ZCCHC7: variants seen among roughly 807,000 people sequenced by gnomAD.
ZCCHC7 encodes zinc finger CCHC-type containing 7.
ZCCHC7 carries 35 observed loss-of-function variants against 52.0 expected under a neutral mutation model. The observed-to-expected ratio is 0.67, with a 90% CI of 0.51 to 0.89. The LOEUF (loss-of-function observed/expected upper bound fraction) is 0.89, where lower values mean the gene tolerates loss of function less well. Ranked by LOEUF, ZCCHC7 falls within the 40% of genes least tolerant of loss-of-function variation. The pLI, the probability that ZCCHC7 is intolerant of heterozygous loss-of-function variation, is 0.00. For synonymous variants in ZCCHC7, 217 were observed against 221.5 expected (o/e 0.98, Z 0.18); for missense variants, 574 against 649.1 (o/e 0.88, Z 1.26).
intron 2 of ZCCHC7, among the ~76,000 whole-genome samples, chr9:37,172,792 G>C (rs539082044): frequency 6.6e-6 from 1 of 152,000 alleles, no homozygotes; most frequent in Non-Finnish European, 1.5e-5. Flanking sequence ...ACTTGAGTGA[G>C]CAGTGTGGGC....
intron 2 of ZCCHC7, among the ~76,000 whole-genome samples, chr9:37,180,023 A>G (rs1431178071): frequency 6.8e-4 from 104 of 152,270 alleles, no homozygotes; most frequent in Non-Finnish European, 1.5e-5. Context: ...AAGGACAAGG[A>G]GAAAGATAGG....
chr9:37,181,593 G>A (rs571165214), intron 2 of ZCCHC7, among the ~76,000 whole-genome samples: 19 of 152,252 alleles, frequency 1.2e-4, no homozygotes, highest in East Asian at 5.8e-4. Context: ...TTGAAAACAC[G>A]TTAGTGAAAG....
intron 2 of ZCCHC7, among the ~76,000 whole-genome samples, chr9:37,231,226 A>G (rs900895172): frequency 2.0e-5 from 3 of 152,218 alleles, no homozygotes; most frequent in African/African-American, 7.2e-5. Context: ...GATTACAGGC[A>G]TGAGCCACCG....
chr9:37,272,498 A>G (rs955315463), intron 2 of ZCCHC7, among the ~76,000 whole-genome samples: 9 of 150,018 alleles, frequency 6.0e-5, no homozygotes, highest in African/African-American at 2.2e-4. Context: ...TGGTAAAAAA[A>G]AAAAAAAAAA....
chr9:37,279,244 A>G (rs1827831656), intron 2 of ZCCHC7, among the ~76,000 whole-genome samples: 1 of 152,102 alleles, frequency 6.6e-6, no homozygotes, highest in Non-Finnish European at 1.5e-5. Context: ...ATTTATATGT[A>G]GATATAATAC....
intron 2 of ZCCHC7, among the ~76,000 whole-genome samples, chr9:37,267,736 A>G: frequency 6.6e-6 from 1 of 151,438 alleles, no homozygotes; most frequent in Admixed American, 6.6e-5. Flanking sequence ...CGCCTGGCTA[A>G]TTTTTTGTAT....
rs988433555 is a variant in ZCCHC7 at position 37,292,193 on chromosome 9, A to G, written c.611-9995A>G. Among the ~76,000 whole-genome samples the G allele has an allele frequency of 2.2e-4, 33 of 152,182 alleles. 1 individual carries two copies. Among genetic ancestry groups the G allele is most frequent in the Non-Finnish European group, 1.2e-4 (8 of 68,036 alleles). On this transcript the variant is annotated intron_variant, in intron 2 of 8. Transcript: ENST00000336755. ...AAAATGTCTTATAAAATTATTTTTC[A>G]TTATCTCTTTATTCTTCTATAAATT...
chr9:37,259,707 A>G (rs190429498), intron 2 of ZCCHC7, among the ~76,000 whole-genome samples: 38 of 151,922 alleles, frequency 2.5e-4, no homozygotes, highest in African/African-American at 9.2e-4. Flanking sequence ...GTGTAGATTT[A>G]TACAGGGGTA....
rs530672053 is a variant in ZCCHC7 at position 37,164,955 on chromosome 9, T to C, written c.610+38013T>C. On this transcript the variant is annotated intron_variant, in intron 2 of 8. Coordinates refer to ENST00000336755, the MANE Select transcript of ZCCHC7 (RefSeq NM_032226.3). Reference sequence around the variant, plus strand: ...GGATTGTGTTCAATCTGTATATCCATTGAGAATTGACATATTAAAAATATT... The same window carrying C: ...GGATTGTGTTCAATCTGTATATCCACTGAGAATTGACATATTAAAAATATT... Among the ~76,000 whole-genome samples the C allele has an allele frequency of 8.5e-5, 13 of 152,326 alleles. No individual in the cohort carries two copies. In the South Asian group the frequency reaches 2.7e-3, roughly 32 times the overall value.
intron 5 of ZCCHC7, among the ~76,000 whole-genome samples, chr9:37,311,747 T>G (rs371504442): frequency 6.6e-6 from 1 of 152,202 alleles, no homozygotes; most frequent in South Asian, 2.1e-4. Context: ...TGCTCCCATA[T>G]CAGCCATATA....
chr9:37,342,453 G>A (rs528137978), intron 6 of ZCCHC7, among the ~76,000 whole-genome samples: 3 of 152,310 alleles, frequency 2.0e-5, no homozygotes, highest in South Asian at 2.1e-4. Flanking sequence ...AATGGCAAGC[G>A]AAAAGGTTAA....
At chr9:37,308,274 T>C (rs1357073124) in intron 5 of ZCCHC7, among the ~76,000 whole-genome samples, 1 of 152,200 alleles carries the variant, frequency 6.6e-6, no homozygotes. Flanking sequence ...TGTTGTTGTC[T>C]GCATTAAGTT....
At chr9:37,263,782 CAG>C (rs1331568905) in intron 2 of ZCCHC7, among the ~76,000 whole-genome samples, 35 of 152,220 alleles carry the variant, frequency 2.3e-4, no homozygotes, top group African/African-American at 8.4e-4. Flanking sequence ...CAAGTTAAGA[CAG>C]AAAACCCAGC....
intron 2 of ZCCHC7, among the ~76,000 whole-genome samples, chr9:37,139,877 A>G (rs1259256211): frequency 6.6e-6 from 1 of 151,974 alleles, no homozygotes; most frequent in Admixed American, 6.6e-5. Context: ...ATTATCTATC[A>G]TAGGGAGGGA....
At chr9:37,134,484 G>A (rs1842919177) in intron 2 of ZCCHC7, among the ~76,000 whole-genome samples, 1 of 151,970 alleles carries the variant, frequency 6.6e-6, no homozygotes, top group Admixed American at 6.6e-5. Context: ...TTATTTTTTG[G>A]AATTATCTTT....
chr9:37,315,993 T>A (rs938026646), intron 5 of ZCCHC7, among the ~76,000 whole-genome samples: 1 of 150,476 alleles, frequency 6.6e-6, no homozygotes, highest in South Asian at 2.1e-4. Context: ...AATTTAAAAA[T>A]TGAGCCACGT....
chr9:37,140,321 A>G (rs1391692192), intron 2 of ZCCHC7, among the ~76,000 whole-genome samples: 2 of 151,984 alleles, frequency 1.3e-5, no homozygotes, highest in African/African-American at 2.4e-5. Context: ...ATAATTGAGT[A>G]TTTTGCTCTT....
chr9:37,326,696 A>G (rs1489626948), intron 5 of ZCCHC7, among the ~76,000 whole-genome samples: 1 of 152,014 alleles, frequency 6.6e-6, no homozygotes, highest in Non-Finnish European at 1.5e-5. Flanking sequence ...TGATATTTTC[A>G]GATTGTATGA....
intron 6 of ZCCHC7, among the ~76,000 whole-genome samples, chr9:37,343,900 A>G (rs765953019): frequency 1.1e-4 from 16 of 152,244 alleles, no homozygotes; most frequent in Admixed American, 6.5e-4. Flanking sequence ...GAAAATTTGT[A>G]AACTAATATG....
Sources: gnomAD v4.1 joint callset for allele counts (sites outside exome capture counted in the v4.1 genomes callset) on GRCh38, gnomAD v4.1.1 for gene constraint, MANE v1.5 for transcripts, NCBI Gene and HGNC (gene_info 2026-07-23, HGNC 2026-07-21) for gene names.